The following PARP1 variants were observed in gnomAD, a reference collection of about 807,000 sequenced individuals.
PARP1 encodes poly(ADP-ribose) polymerase 1.
A neutral mutation model predicts 118.7 loss-of-function variants in PARP1; 44 were observed. That is an observed-to-expected ratio of 0.37 (90% CI 0.29 to 0.48). PARP1 has a LOEUF of 0.48. Among genes scored for constraint, PARP1 ranks in the 20% least tolerant of loss-of-function variants. The pLI is 0.99. For missense variants in PARP1, 1,100 were observed against 1,272.4 expected (o/e 0.86, Z 2.06); for synonymous variants, 492 against 483.2 (o/e 1.02, Z -0.24).
chr1:226,371,072 C>T (rs913898228), intron 14 of PARP1: 2 of 157,870 alleles, frequency 1.3e-5, no homozygotes, highest in Non-Finnish European at 2.8e-5. Flanking sequence ...ATTGCTACTG[C>T]TCATATCTTG....
intron 17 of PARP1, chr1:226,366,306 T>C (rs562539233): frequency 7.1e-5 from 32 of 453,738 alleles, no homozygotes; most frequent in South Asian, 6.6e-4. Flanking sequence ...TAAAATTCTA[T>C]GTTTTGGGAT....
At position 226,365,041 on chromosome 1, in the gene PARP1, C is replaced by T. The variant is rs770091324; in HGVS notation, c.2619G>A (p.Leu873=). ...GSRTTNFAGI[L]SQGLRIAPPE... ...GCGGGGCTATCCGAAGACCCTGGGA[C>T]AGGATCCCAGCAAAGTTGGTGGTCC... The change falls in exon 19 of 23, where the codon CTG becomes CTA. Residue 873 remains leucine, a synonymous_variant. Transcript: ENST00000366794. 11 of 1,614,082 alleles carry T rather than the reference C, an allele frequency of 6.8e-6. No individual in the cohort carries two copies. The highest frequency in any genetic ancestry group is 1.3e-5 in the African/African-American group (1 of 74,954).
At chr1:226,382,917 G>C in intron 8 of PARP1, 119 bp downstream of exon 8, 1 of 1,136,982 alleles carries the variant, frequency 8.8e-7, no homozygotes, top group Non-Finnish European at 1.3e-6. Flanking sequence ...TCCCCATGGT[G>C]GGGTCAGCAA....
chr1:226,378,963 T>C (rs1438335815), intron 12 of PARP1, among the ~76,000 whole-genome samples, 179 bp downstream of exon 12: 2 of 152,256 alleles, frequency 1.3e-5, no homozygotes, highest in Non-Finnish European at 2.9e-5. Context: ...TACTGGTTAG[T>C]AAGTGGCTTC....
rs777908389 is a variant in PARP1 at position 226,402,259 on chromosome 1, C to T, written c.241G>A (p.Asp81Asn). ...GCTGTCTTCTTGACTTTCTGCTGGT[C>T]ATCCCACCGAAGCTCAGAGAACCCA... ...VDGFSELRWD[D>N]QQKVKKTAEA... The change falls in exon 2 of 23, where the codon GAC (aspartate) becomes AAC (asparagine). Residue 81 changes from aspartate (D) to asparagine (N), a missense_variant. Physicochemically the swap from Asp to Asn is conservative, Grantham distance 23 (BLOSUM62 1). This residue lies in a region of PARP1 where 948 missense variants were observed against 1,031.8 expected (regional missense o/e 0.92). Coordinates refer to ENST00000366794, the MANE Select transcript of PARP1 (RefSeq NM_001618.4). 6.2e-7 allele frequency: 1 copy of T among 1,614,198 alleles called. No individual in the cohort carries two copies. The highest frequency in any genetic ancestry group is 8.5e-7 in the Non-Finnish European group (1 of 1,180,052).
At chr1:226,374,451 T>C in intron 13 of PARP1, 97 bp from the exon 14 acceptor site, 1 of 1,446,658 alleles carries the variant, frequency 6.9e-7, no homozygotes. Flanking sequence ...GGACACAGGC[T>C]AGAGTGCCAC....
At chr1:226,398,473 C>T (rs1265115757) in intron 2 of PARP1, among the ~76,000 whole-genome samples, 8 of 148,312 alleles carry the variant, frequency 5.4e-5, no homozygotes, top group Admixed American at 3.4e-4. Flanking sequence ...AAGGCTGCAG[C>T]GAACTGTGAT....
At chr1:226,402,180 G>C in intron 2 of PARP1, 34 bp downstream of exon 2, 1 of 1,614,150 alleles carries the variant, frequency 6.2e-7, no homozygotes, top group South Asian at 1.1e-5. Context: ...CAGGGTGGGG[G>C]CTGAATGCCC....
chr1:226,399,643 G>C (rs947003748), intron 2 of PARP1, among the ~76,000 whole-genome samples: 1 of 152,172 alleles, frequency 6.6e-6, no homozygotes, highest in Non-Finnish European at 1.5e-5. Flanking sequence ...ACAATGCAAA[G>C]AGTGAGCCCT....
chr1:226,363,096 T>C lies in PARP1; in HGVS notation c.2848+3A>G, dbSNP rs1424402139. On this transcript the variant is annotated splice_donor_region_variant and intron_variant, in intron 21 of 22. Coordinates refer to ENST00000366794, the MANE Select transcript of PARP1 (RefSeq NM_001618.4). ...TGTAGCAACAGCTTTGGAAACACTT[T>C]ACCTTTGACACTGTGCTTGCCCTTG... 6.2e-6 allele frequency: 10 copies of C among 1,611,432 alleles called. No homozygotes were observed. The highest frequency in any genetic ancestry group is 8.5e-6 in the Non-Finnish European group (10 of 1,177,508).
At chr1:226,369,594 A>C (rs542222726) in intron 15 of PARP1, among the ~76,000 whole-genome samples, 3 of 152,184 alleles carry the variant, frequency 2.0e-5, no homozygotes, top group Non-Finnish European at 2.9e-5. Context: ...GTTTTCAATA[A>C]ATACAGTTAG....
rs536955686 is a variant in PARP1 at position 226,395,723 on chromosome 1, G to A, written c.287-3409C>T. Among the ~76,000 whole-genome samples the A allele has an allele frequency of 5.1e-4, 77 of 152,286 alleles. 1 individual carries two copies. Among genetic ancestry groups the A allele is most frequent in the South Asian group, 4.6e-3 (22 of 4,830 alleles). Reference sequence around the variant, plus strand: ...TGGGCAAATGAAATATGGCATATTCGTGCAATTAATGTTTATTATGTCTTT... The same window carrying A: ...TGGGCAAATGAAATATGGCATATTCATGCAATTAATGTTTATTATGTCTTT... On this transcript the variant is annotated intron_variant, in intron 2 of 22. Coordinates refer to ENST00000366794, the MANE Select transcript of PARP1 (RefSeq NM_001618.4).
intron 3 of PARP1, among the ~76,000 whole-genome samples, chr1:226,391,614 T>C (rs1041200597): frequency 1.3e-5 from 2 of 152,234 alleles, no homozygotes; most frequent in African/African-American, 2.4e-5. Flanking sequence ...TAAATACCCA[T>C]TGGCTCACCT....
At chr1:226,361,904 C>A in intron 22 of PARP1, 65 bp downstream of exon 22, 10 of 974,376 alleles carry the variant, frequency 1.0e-5, no homozygotes, top group Non-Finnish European at 1.5e-5. Context: ...TCTGACAGCA[C>A]ATAAGTGACT....
intron 16 of PARP1, among the ~76,000 whole-genome samples, chr1:226,367,970 G>C (rs1008979273): frequency 6.6e-6 from 1 of 152,146 alleles, no homozygotes; most frequent in African/African-American, 2.4e-5. Flanking sequence ...TGAGGGAGAG[G>C]CTGTCCCTCT....
Position 226,370,467 on chromosome 1 carries a change from C to T in PARP1, c.2121G>A (p.Gln707=). Residue 707 remains glutamine (Q), a synonymous_variant, in exon 15 of 23, where the codon CAG becomes CAA. Transcript: ENST00000366794. Reference sequence around the variant, plus strand: ...CCTCACTGAGGATGGAGTATGCGGCCTGGATCTGCCTTTTGCTCAGCTTCC... The same window carrying T: ...CCTCACTGAGGATGGAGTATGCGGCTTGGATCTGCCTTTTGCTCAGCTTCC... ...PLGKLSKRQI[Q]AAYSILSEVQ... is the part of the protein sequence containing the mutation. The T allele has an allele frequency of 6.2e-7, 1 of 1,614,120 alleles. No individual in the cohort carries two copies. The highest frequency in any genetic ancestry group is 8.5e-7 in the Non-Finnish European group (1 of 1,179,998).
At chr1:226,365,798 A>AC (rs1254313795) in intron 18 of PARP1, among the ~76,000 whole-genome samples, 156 bp downstream of exon 18, 1 of 151,046 alleles carries the variant, frequency 6.6e-6, no homozygotes, top group Non-Finnish European at 1.5e-5. Context: ...ACAAACAAAA[A>AC]AAAAACTACT....
intron 10 of PARP1, 118 bp downstream of exon 10, chr1:226,379,804 G>A (rs1576395851): frequency 1.3e-6 from 2 of 1,525,834 alleles, no homozygotes; most frequent in East Asian, 4.5e-5. Flanking sequence ...TCTGTGTCCT[G>A]CTCTGCAGCA....
At chr1:226,364,926 C>A (rs1462728780) in intron 19 of PARP1, 76 bp downstream of exon 19, 6 of 1,525,536 alleles carry the variant, frequency 3.9e-6, no homozygotes, top group Non-Finnish European at 5.4e-6. Context: ...ACCAACTAGA[C>A]CTCTTGCTCA....
Sources: gnomAD v4.1 joint callset for allele counts (sites outside exome capture counted in the v4.1 genomes callset) on GRCh38, gnomAD v4.1.1 for gene constraint, gnomAD v4.1.1 regional missense constraint, MANE v1.5 for transcripts, NCBI Gene and HGNC (gene_info 2026-07-23, HGNC 2026-07-21) for gene names.